AP4E1: variants seen among roughly 807,000 people sequenced by gnomAD.
AP4E1 encodes AP-4 complex subunit epsilon-1.
In AP4E1, 56 loss-of-function variants were observed where a neutral mutation model predicts 128.2. The ratio of observed to expected loss-of-function variants is 0.44; its 90% CI spans 0.35 to 0.55. AP4E1 has a LOEUF of 0.55. AP4E1 is among the 20% of genes least tolerant of loss of function. AP4E1 has a pLI of 0.00. For synonymous variants in AP4E1, 484 were observed against 473.1 expected (o/e 1.02, Z -0.30); for missense variants, 1,324 against 1,307.7 (o/e 1.01, Z -0.19).
chr15:50,975,294 A>C (rs977681196), intron 15 of AP4E1, among the ~76,000 whole-genome samples: 1 of 152,198 alleles, frequency 6.6e-6, no homozygotes, highest in Non-Finnish European at 1.5e-5. Flanking sequence ...AATGCCAGCT[A>C]CTTGAGAGGC....
At chr15:50,934,939 A>T (rs1337254250) in intron 8 of AP4E1, among the ~76,000 whole-genome samples, 1 of 152,086 alleles carries the variant, frequency 6.6e-6, no homozygotes, top group East Asian at 1.9e-4. Flanking sequence ...TATTGAAAAC[A>T]CATATCAATT....
chr15:50,973,693 C>T (rs1188919767), intron 15 of AP4E1, among the ~76,000 whole-genome samples: 1 of 152,136 alleles, frequency 6.6e-6, no homozygotes, highest in Non-Finnish European at 1.5e-5. Flanking sequence ...TTACTTATTT[C>T]ACTTAGCATA....
chr15:50,938,554 G>A (rs1287523510), intron 8 of AP4E1, among the ~76,000 whole-genome samples: 3 of 152,090 alleles, frequency 2.0e-5, no homozygotes, highest in Non-Finnish European at 2.9e-5. Flanking sequence ...CCTTCCTTAC[G>A]CTGTCAGAGG....
chr15:50,975,698 A>G (rs1351895900), intron 15 of AP4E1, among the ~76,000 whole-genome samples: 1 of 151,998 alleles, frequency 6.6e-6, no homozygotes, highest in Admixed American at 6.6e-5. Flanking sequence ...TAGATTTGTA[A>G]TATATTTTGA....
At chr15:50,998,413 C>T (rs1409590118) in intron 18 of AP4E1, among the ~76,000 whole-genome samples, 1 of 151,814 alleles carries the variant, frequency 6.6e-6, no homozygotes. Flanking sequence ...GGGTGGATCA[C>T]GAGGTCAGGA....
intron 15 of AP4E1, among the ~76,000 whole-genome samples, chr15:50,982,335 A>G (rs1055048526): frequency 2.0e-5 from 3 of 152,214 alleles, no homozygotes; most frequent in African/African-American, 7.2e-5. Flanking sequence ...AGATGATTAA[A>G]AAACTTAAAA....
rs1165477384 is a variant in AP4E1, at chr15:50,958,631, C to A, written c.1688C>A (p.Ser563Tyr). ...ATTGCTGCTGTGACCAAATTGACATCTCAGGCGCACTCTTCTAATACAGTT... is the reference window on the plus strand; with the variant it reads ...ATTGCTGCTGTGACCAAATTGACATATCAGGCGCACTCTTCTAATACAGTT... Reference protein sequence around the residue: ...WLIAAVTKLTSQAHSSNTVER... With the variant: ...WLIAAVTKLTYQAHSSNTVER... Residue 563 changes from serine (S) to tyrosine (Y), a missense_variant, in exon 14 of 21, where the codon TCT becomes TAT. Transcript: ENST00000261842. 1.2e-6 allele frequency: 2 copies of A among 1,614,030 alleles called. No homozygotes were observed. Among genetic ancestry groups the A allele is most frequent in the Non-Finnish European group, 1.7e-6 (2 of 1,180,016 alleles).
intron 14 of AP4E1, among the ~76,000 whole-genome samples, chr15:50,965,115 T>C (rs7171085): frequency 0.43 from 65,907 of 151,906 alleles, 14,514 homozygotes; most frequent in East Asian, 0.59. Flanking sequence ...TCATGCTTCT[T>C]GTACAGCCTG....
chr15:50,996,131 G>C (rs1181347346), intron 17 of AP4E1, among the ~76,000 whole-genome samples: 1 of 149,910 alleles, frequency 6.7e-6, no homozygotes, highest in Non-Finnish European at 1.5e-5. Context: ...TGGGATTACA[G>C]GCATGCGCTA....
chr15:50,979,122 GA>G (rs1373321178), intron 15 of AP4E1, among the ~76,000 whole-genome samples: 1 of 151,928 alleles, frequency 6.6e-6, no homozygotes, highest in Non-Finnish European at 1.5e-5. Flanking sequence ...AATGTGCATA[GA>G]AAACATTTCT....
chr15:50,957,075 G>A (rs1347595319), intron 13 of AP4E1, among the ~76,000 whole-genome samples: 1 of 152,164 alleles, frequency 6.6e-6, no homozygotes. Context: ...TGCTCTTTTA[G>A]CTCTGTCATC....
chr15:50,941,651 T>A lies in AP4E1; in HGVS notation c.1067-15T>A. 2 of 1,612,368 alleles carry A rather than the reference T, an allele frequency of 1.2e-6. No individual in the cohort carries two copies. The highest frequency in any genetic ancestry group is 1.7e-6 in the Non-Finnish European group (2 of 1,178,594). On this transcript the variant is annotated splice_polypyrimidine_tract_variant and intron_variant, in intron 9 of 20. Transcript: ENST00000261842. ...TTGTTTCAATTCACTTTGTATAATG[T>A]GTCTTTGTTTCTAGGACTGAAGGCT...
chr15:51,002,571 C>G lies in AP4E1; in HGVS notation c.3323C>G (p.Ala1108Gly). Residue 1108 changes from alanine (A) to glycine (G), a missense_variant, in exon 21 of 21, where the codon GCA (alanine) becomes GGA (glycine). Coordinates refer to ENST00000261842, the MANE Select transcript of AP4E1 (RefSeq NM_007347.5). The stretch of plus-strand genomic sequence containing the variant: ...TGCTTACTGCATTGCCGAGTTCATG[C>G]AGATGTATTAGCCCTGTGGTTCAGA... ...IPCLLHCRVH[A>G]DVLALWFRSS... The G allele has an allele frequency of 6.2e-7, 1 of 1,614,158 alleles. No individual in the cohort carries two copies. Among genetic ancestry groups the G allele is most frequent in the Non-Finnish European group, 8.5e-7 (1 of 1,180,018 alleles).
At position 50,960,344 on chromosome 15, in the gene AP4E1, A is replaced by G. The variant is rs181617929; in HGVS notation, c.1851+1550A>G. Reference sequence around the variant, plus strand: ...CACATTCTTCTCATCAACACATGGAACATTCTCCAGGACAGACCATATGTT... The same window carrying G: ...CACATTCTTCTCATCAACACATGGAGCATTCTCCAGGACAGACCATATGTT... On this transcript the variant is annotated intron_variant, in intron 14 of 20. Transcript: ENST00000261842. Among the ~76,000 whole-genome samples the G allele has an allele frequency of 4.7e-3, 709 of 152,304 alleles. 3 individuals carry two copies. Among genetic ancestry groups the G allele is most frequent in the Non-Finnish European group, 6.7e-3 (455 of 67,996 alleles).
intron 17 of AP4E1, among the ~76,000 whole-genome samples, chr15:50,996,096 C>T (rs779267615): frequency 1.4e-5 from 2 of 141,538 alleles, no homozygotes; most frequent in Non-Finnish European, 3.0e-5. Flanking sequence ...TCAAGCAATT[C>T]TCCTGCCTCA....
At position 50,997,499 on chromosome 15, in the gene AP4E1, C is replaced by G. The variant is rs572535855; in HGVS notation, c.2520C>G (p.Asp840Glu). The G allele has an allele frequency of 6.2e-6, 10 of 1,614,004 alleles. No individual in the cohort carries two copies. The East Asian group carries it at 1.8e-4, about 29-fold the overall frequency. Residue 840 changes from aspartate to glutamate, a missense_variant, in exon 18 of 21, where the codon GAC becomes GAG. Transcript: ENST00000261842. ...CGAATACTTTGCACGATACAGGAGA[C>G]AAGGAATTAAAGAAATTTTCTCTCA... is the stretch of plus-strand genomic sequence containing the variant. ...YYSNTLHDTG[D>E]KELKKFSLTS...
rs776281271 is a variant in AP4E1 at position 50,941,473 on chromosome 15, T to C, written c.975T>C (p.Tyr325=). 46 of 1,612,970 alleles carry C rather than the reference T, an allele frequency of 2.9e-5. No individual in the cohort carries two copies. The highest frequency in any genetic ancestry group is 4.0e-5 in the African/African-American group (3 of 74,916). ...TGTTTGAATGTGTGCATACAGTCTA[T>C]TCTATTTATCCTAAATCGGAATTAC... The part of the protein sequence containing the change: ...AILFECVHTV[Y]SIYPKSELLE... Residue 325 remains tyrosine (Y), a synonymous_variant, in exon 9 of 21, where the codon TAT becomes TAC. Transcript: ENST00000261842.
chr15:50,993,146 A>G (rs1317578721), intron 16 of AP4E1, among the ~76,000 whole-genome samples: 1 of 152,176 alleles, frequency 6.6e-6, no homozygotes, highest in Non-Finnish European at 1.5e-5. Flanking sequence ...CTAAGTCTGG[A>G]GTTCTGCAGC....
At chr15:50,949,537 A>G (rs1272239983) in intron 11 of AP4E1, among the ~76,000 whole-genome samples, 1 of 152,018 alleles carries the variant, frequency 6.6e-6, no homozygotes, top group African/African-American at 2.4e-5. Flanking sequence ...ATTTGCATCT[A>G]GTTAGCTGGT....
Sources: allele counts gnomAD v4.1 joint callset (sites outside exome capture counted in the v4.1 genomes callset), GRCh38; gene constraint gnomAD v4.1.1; transcripts MANE v1.5; gene names NCBI Gene and HGNC (gene_info 2026-07-23, HGNC 2026-07-21).